Variants in GRIK1 observed in about 807,000 individuals in gnomAD.
GRIK1 encodes glutamate receptor ionotropic, kainate 1.
Under a neutral mutation model 105.7 loss-of-function variants are expected in GRIK1, and 69 were observed. The ratio of observed to expected loss-of-function variants is 0.65; its 90% CI spans 0.54 to 0.80. The LOEUF is 0.80. Ranked by LOEUF, GRIK1 falls within the 30% of genes least tolerant of loss-of-function variation. GRIK1 has a pLI of 0.00. For missense variants in GRIK1, 1,109 were observed against 1,167.3 expected (o/e 0.95, Z 0.73); for synonymous variants, 438 against 431.3 (o/e 1.02, Z -0.19).
rs952187056 is a variant in GRIK1 at position 29,716,481 on chromosome 21, A to G, written c.119-22418T>C. 2.6e-5 allele frequency among the ~76,000 whole-genome samples: 4 copies of G among 152,180 alleles called. No homozygotes were observed. In the South Asian group the frequency reaches 8.3e-4, roughly 31 times the overall value. The stretch of plus-strand genomic sequence containing the variant: ...TTGGAACTTCCTAGAGACTTGTTGC[A>G]TGGCTTTGACCAAAATGCTGATAGT... On this transcript the variant is annotated intron_variant, in intron 1 of 17. Transcript: ENST00000327783.
chr21:29,859,780 T>C (rs1409089887), intron 1 of GRIK1, among the ~76,000 whole-genome samples: 1 of 152,244 alleles, frequency 6.6e-6, no homozygotes, highest in Admixed American at 6.5e-5. Flanking sequence ...TGTTTTGGAA[T>C]TTGTAGTCAG....
At chr21:29,584,615 C>G (rs1166973877) in intron 12 of GRIK1, among the ~76,000 whole-genome samples, 1 of 152,164 alleles carries the variant, frequency 6.6e-6, no homozygotes, top group Non-Finnish European at 1.5e-5. Context: ...AGGCATCTAT[C>G]TAGTGAAGGC....
chr21:29,693,839 G>A (rs1008804233), intron 2 of GRIK1, 57 bp downstream of exon 2: 7 of 1,300,574 alleles, frequency 5.4e-6, no homozygotes, highest in Middle Eastern at 1.9e-4. Flanking sequence ...AAAAGAAGGT[G>A]ACTTGGAGAG....
At chr21:29,723,816 CTCTA>C (rs564568015) in intron 1 of GRIK1, among the ~76,000 whole-genome samples, 3 of 151,798 alleles carry the variant, frequency 2.0e-5, no homozygotes, top group Non-Finnish European at 2.9e-5. Context: ...ATTGTTTTTA[CTCTA>C]TCTATACTTT....
chr21:29,719,722 G>A (rs1451748986), intron 1 of GRIK1, among the ~76,000 whole-genome samples: 2 of 151,940 alleles, frequency 1.3e-5, no homozygotes, highest in Non-Finnish European at 2.9e-5. Flanking sequence ...ATCCCATTAT[G>A]CATATTAAGC....
chr21:29,616,772 G>A (rs1429744897), intron 7 of GRIK1, among the ~76,000 whole-genome samples: 1 of 152,172 alleles, frequency 6.6e-6, no homozygotes, highest in Admixed American at 6.5e-5. Context: ...TTCACAAACT[G>A]TGAGTGAGAA....
At chr21:29,918,476 A>T (rs565261089) in intron 1 of GRIK1, among the ~76,000 whole-genome samples, 2 of 152,064 alleles carry the variant, frequency 1.3e-5, no homozygotes, top group Non-Finnish European at 2.9e-5. Flanking sequence ...AAAGGTATAG[A>T]ATGTTCATAA....
intron 7 of GRIK1, among the ~76,000 whole-genome samples, chr21:29,632,409 A>T (rs945599687): frequency 6.6e-6 from 1 of 152,200 alleles, no homozygotes; most frequent in Non-Finnish European, 1.5e-5. Flanking sequence ...ATTTTAGTGA[A>T]AAATGAATGA....
At position 29,740,222 on chromosome 21, in the gene GRIK1, C is replaced by CT. The variant is rs758827283; in HGVS notation, c.119-46160dup. On this transcript the variant is annotated intron_variant, in intron 1 of 17. Transcript: ENST00000327783. ...CTCATGCTGCCCTTATTTTCCTTTT[C>CT]TTTTTTTTTTTTTTGAGACAGAGTC... Among the ~76,000 whole-genome samples the CT allele has an allele frequency of 2.8e-3, 408 of 143,642 alleles. 1 individual carries two copies. Among genetic ancestry groups the CT allele is most frequent in the Middle Eastern group, 7.5e-3 (2 of 268 alleles). 94.2% of individuals were successfully genotyped at this position (143,642 alleles called of 152,430 possible).
At chr21:29,659,799 A>G (rs192606097) in intron 4 of GRIK1, among the ~76,000 whole-genome samples, 5 of 152,068 alleles carry the variant, frequency 3.3e-5, no homozygotes, top group African/African-American at 9.7e-5. Context: ...CGTCTCTACT[A>G]AAAATACAAA....
chr21:29,629,497 CT>C (rs376423917), intron 7 of GRIK1, among the ~76,000 whole-genome samples: 200 of 148,052 alleles, frequency 1.4e-3, no homozygotes, highest in African/African-American at 3.9e-3. Flanking sequence ...TTCTTTCTTT[CT>C]TTTTTTTTTT....
intron 1 of GRIK1, among the ~76,000 whole-genome samples, chr21:29,931,970 GTAA>G (rs2071582732): frequency 6.6e-6 from 1 of 152,076 alleles, no homozygotes; most frequent in Non-Finnish European, 1.5e-5. Flanking sequence ...ATAACTGATG[GTAA>G]TAATAACAAT....
chr21:29,694,172 T>G lies in GRIK1; in HGVS notation c.119-109A>C, dbSNP rs996383254. 5.4e-5 allele frequency: 37 copies of G among 682,050 alleles called. 1 individual carries two copies. The African/African-American group carries it at 6.2e-4, about 11-fold the overall frequency. 42.2% of individuals were successfully genotyped at this position (682,050 alleles called of 1,614,324 possible). A position where few individuals can be genotyped will look rare whatever the true frequency, so the allele number is the denominator to read the frequency against. On this transcript the variant is annotated intron_variant, in intron 1 of 17. Transcript: ENST00000327783. ...CGGAGTCTCGCTCTGTCACCCAGAC[T>G]GGAGTGCAATGGCACGATCTCAGCT...
chr21:29,902,927 A>T (rs1322183291), intron 1 of GRIK1, among the ~76,000 whole-genome samples: 1 of 152,216 alleles, frequency 6.6e-6, no homozygotes, highest in Non-Finnish European at 1.5e-5. Context: ...CTGGTACCAA[A>T]ACAGATATAT....
chr21:29,720,968 A>C (rs1320151339), intron 1 of GRIK1, among the ~76,000 whole-genome samples: 1 of 151,892 alleles, frequency 6.6e-6, no homozygotes, highest in Non-Finnish European at 1.5e-5. Flanking sequence ...CTATCACCGG[A>C]GAGGAGACTG....
chr21:29,628,913 T>G (rs11911210), intron 7 of GRIK1, among the ~76,000 whole-genome samples: 31,518 of 152,106 alleles, frequency 0.21, 5,264 homozygotes, highest in African/African-American at 0.46. Flanking sequence ...GGATTCCACA[T>G]GGGTTGAATT....
At chr21:29,787,687 C>A (rs2066294602) in intron 1 of GRIK1, among the ~76,000 whole-genome samples, 1 of 152,186 alleles carries the variant, frequency 6.6e-6, no homozygotes, top group Non-Finnish European at 1.5e-5. Context: ...ATATCCTTGA[C>A]ATTTTCATCT....
intron 1 of GRIK1, among the ~76,000 whole-genome samples, chr21:29,822,058 G>T (rs947528488): frequency 5.3e-5 from 8 of 151,944 alleles, no homozygotes; most frequent in Non-Finnish European, 8.8e-5. Context: ...TTTGAGGGGA[G>T]GTAGTTTTTA....
chr21:29,930,370 T>C (rs2071525551), intron 1 of GRIK1, among the ~76,000 whole-genome samples: 1 of 152,134 alleles, frequency 6.6e-6, no homozygotes, highest in Non-Finnish European at 1.5e-5. Flanking sequence ...GTTTAAAATT[T>C]AGGAAAAAAG....
Sources: allele counts gnomAD v4.1 joint callset (sites outside exome capture counted in the v4.1 genomes callset), GRCh38; gene constraint gnomAD v4.1.1; transcripts MANE v1.5; gene names NCBI Gene and HGNC (gene_info 2026-07-23, HGNC 2026-07-21).